The following HIVEP3 variants were observed in gnomAD, a reference collection of about 807,000 sequenced individuals.
HIVEP3 encodes HIVEP zinc finger 3.
A neutral mutation model predicts 152.8 loss-of-function variants in HIVEP3; 49 were observed. The ratio of observed to expected loss-of-function variants is 0.32; its 90% confidence interval spans 0.26 to 0.41. The LOEUF (loss-of-function observed/expected upper bound fraction) is 0.41, where lower values mean the gene tolerates loss of function less well. Among genes scored for constraint, HIVEP3 ranks in the 10% least tolerant of loss-of-function variants. The pLI, the probability that HIVEP3 is intolerant of heterozygous loss-of-function variation, is 1.00. For missense variants in HIVEP3, 2,790 were observed against 3,103.3 expected (o/e 0.90, Z 2.40); for synonymous variants, 1,269 against 1,289.0 (o/e 0.98, Z 0.33).
At chr1:41,639,198 A>G (rs1645333872) in intron 2 of HIVEP3, among the ~76,000 whole-genome samples, 1 of 152,264 alleles carries the variant, frequency 6.6e-6, no homozygotes, top group Admixed American at 6.5e-5. Context: ...TGAAAATCTA[A>G]GACATGGGTC....
At chr1:41,887,753 T>C (rs1401862884) in intron 1 of HIVEP3, among the ~76,000 whole-genome samples, 1 of 152,140 alleles carries the variant, frequency 6.6e-6, no homozygotes, top group Non-Finnish European at 1.5e-5. Flanking sequence ...AGATTAAAGA[T>C]AAATAGCCCC....
At chr1:41,742,323 C>A (rs1647009210) in intron 1 of HIVEP3, among the ~76,000 whole-genome samples, 1 of 152,226 alleles carries the variant, frequency 6.6e-6, no homozygotes, top group African/African-American at 2.4e-5. Context: ...CCAGCATATG[C>A]CAGCCACAGC....
At chr1:41,760,268 A>C (rs372036335) in intron 1 of HIVEP3, among the ~76,000 whole-genome samples, 1 of 152,232 alleles carries the variant, frequency 6.6e-6, no homozygotes, top group African/African-American at 2.4e-5. Context: ...CATTCACTGG[A>C]AAGTGGTACC....
chr1:41,918,487 C>A lies in HIVEP3; in HGVS notation c.-875G>T, dbSNP rs1191996481. ...CCAGCCCCTTCTTCATGAATTATTC[C>A]GGCCAGGCAGGATTTTGTGCATTTT... On this transcript the variant is annotated 5_prime_UTR_variant, in exon 1 of 9. Coordinates refer to ENST00000372583, the MANE Select transcript of HIVEP3 (RefSeq NM_024503.5). This position sits in a 1 kb window ranked among gnomAD's most constrained non-coding sequence, Gnocchi z 4.3. 1 of 152,200 alleles carries A rather than the reference C, an allele frequency of 6.6e-6. No homozygotes were observed. The highest frequency in any genetic ancestry group is 1.5e-5 in the Non-Finnish European group (1 of 68,060). 9.4% of individuals were successfully genotyped at this position (152,200 alleles called of 1,614,324 possible).
In HIVEP3 at chr1:41,582,427, T is replaced by G. The variant is rs138816177; in HGVS notation, c.2371A>C (p.Arg791=). The G allele has an allele frequency of 9.2e-5, 149 of 1,614,098 alleles. No individual in the cohort carries two copies. Among genetic ancestry groups the G allele is most frequent in the Admixed American group, 4.8e-4 (29 of 60,012 alleles). ...GSGSESGKER[R]TTSKEISVIQ... ...ACAGAAATTTCTTTGGACGTTGTTC[T>G]CCTCTCCTTCCCTGATTCTGAACCG... is the stretch of plus-strand genomic sequence containing the variant. The change falls in exon 4 of 9, where the codon AGA becomes CGA. Residue 791 remains arginine, a synonymous_variant. Transcript: ENST00000372583. This position sits in a 1 kb window ranked among gnomAD's most constrained non-coding sequence, Gnocchi z 4.7.
intron 1 of HIVEP3, among the ~76,000 whole-genome samples, chr1:41,973,111 A>G (rs1645240195): frequency 6.6e-6 from 1 of 152,064 alleles, no homozygotes; most frequent in African/African-American, 2.4e-5. Flanking sequence ...GTGGTCTGGA[A>G]ATAGCATGGA....
At chr1:41,734,444 C>T (rs796294172) in intron 1 of HIVEP3, among the ~76,000 whole-genome samples, 2 of 152,232 alleles carry the variant, frequency 1.3e-5, no homozygotes, top group East Asian at 1.9e-4. Context: ...CCAGCCACCC[C>T]CTCCCATGCC....
intron 5 of HIVEP3, among the ~76,000 whole-genome samples, chr1:41,546,149 C>T (rs947268557): frequency 4.6e-5 from 7 of 152,116 alleles, no homozygotes; most frequent in African/African-American, 7.2e-5. Context: ...GGCAGCAGGG[C>T]GGGTGACTAC....
At chr1:41,910,353 T>G (rs1035076440) in intron 1 of HIVEP3, among the ~76,000 whole-genome samples, 1 of 151,990 alleles carries the variant, frequency 6.6e-6, no homozygotes, top group South Asian at 2.1e-4. Context: ...TTTACCAATA[T>G]TGATTTAAGA....
intron 5 of HIVEP3, among the ~76,000 whole-genome samples, chr1:41,560,085 A>G (rs766706699): frequency 5.9e-5 from 9 of 152,188 alleles, no homozygotes; most frequent in Non-Finnish European, 1.0e-4. Context: ...ACTATCCGGA[A>G]TTTATTATTT....
At chr1:41,992,348 C>A (rs374578838) in intron 1 of HIVEP3, among the ~76,000 whole-genome samples, 1 of 148,524 alleles carries the variant, frequency 6.7e-6, no homozygotes. Flanking sequence ...TTCTTATACA[C>A]CAACAACAGA....
At chr1:41,959,697 G>T (rs1371522888) in intron 1 of HIVEP3, among the ~76,000 whole-genome samples, 1 of 152,202 alleles carries the variant, frequency 6.6e-6, no homozygotes, top group East Asian at 1.9e-4. Flanking sequence ...ACTAAGGCTG[G>T]GGGACAAAGC....
intron 1 of HIVEP3, among the ~76,000 whole-genome samples, chr1:41,925,295 A>G (rs978355430): frequency 6.6e-6 from 1 of 152,162 alleles, no homozygotes; most frequent in East Asian, 1.9e-4. Flanking sequence ...ACTCCCCCAA[A>G]ACTTAACTGC....
chr1:42,027,082 T>C (rs1379840722), intron 1 of HIVEP3, among the ~76,000 whole-genome samples: 1 of 152,222 alleles, frequency 6.6e-6, no homozygotes, highest in Non-Finnish European at 1.5e-5. Flanking sequence ...TCTGTTGTTG[T>C]TGTTGTTGAC....
At chr1:41,850,421 T>C (rs1224904434) in intron 1 of HIVEP3, among the ~76,000 whole-genome samples, 2 of 152,204 alleles carry the variant, frequency 1.3e-5, no homozygotes, top group South Asian at 2.1e-4. Context: ...CCTCACTTAA[T>C]ATAATATTAA....
chr1:41,877,235 C>T (rs1265476497), intron 1 of HIVEP3, among the ~76,000 whole-genome samples: 1 of 152,154 alleles, frequency 6.6e-6, no homozygotes, highest in African/African-American at 2.4e-5. Flanking sequence ...GGAACAGACC[C>T]CTCACGACTC....
At chr1:41,633,521 C>T (rs1392539935) in intron 2 of HIVEP3, among the ~76,000 whole-genome samples, 16 of 152,124 alleles carry the variant, frequency 1.1e-4, no homozygotes, top group Non-Finnish European at 1.5e-5. Context: ...AAGTACCTCC[C>T]CACACACCTT....
At chr1:41,869,107 T>A (rs1024083356) in intron 1 of HIVEP3, among the ~76,000 whole-genome samples, 4 of 152,194 alleles carry the variant, frequency 2.6e-5, no homozygotes, top group African/African-American at 9.7e-5. Flanking sequence ...ATAGGCTACT[T>A]ATGTCAGTAG....
intron 1 of HIVEP3, among the ~76,000 whole-genome samples, chr1:41,716,165 C>T (rs995829894): frequency 9.9e-5 from 15 of 152,284 alleles, no homozygotes; most frequent in African/African-American, 3.6e-4. Flanking sequence ...AACCTACCAG[C>T]AAGGTGGGCA....
Sources: allele counts gnomAD v4.1 joint callset (sites outside exome capture counted in the v4.1 genomes callset), GRCh38; gene constraint gnomAD v4.1.1; non-coding constraint Gnocchi (gnomAD v3.1); transcripts MANE v1.5; gene names NCBI Gene and HGNC (gene_info 2026-07-23, HGNC 2026-07-21).